Variants in GRID2 observed in about 807,000 individuals in gnomAD.
The protein encoded by GRID2 is glutamate receptor ionotropic, delta-2.
In GRID2, 33 loss-of-function variants were observed where a neutral mutation model predicts 114.8. The ratio of observed to expected loss-of-function variants is 0.29; its 90% CI spans 0.22 to 0.38. The LOEUF (loss-of-function observed/expected upper bound fraction) is 0.38. Ranked by LOEUF, GRID2 falls within the 10% of genes least tolerant of loss-of-function variation. The pLI is 1.00. For synonymous variants in GRID2, 505 were observed against 449.9 expected, an observed-to-expected ratio of 1.12 and a Z score of -1.55; for missense variants, 1,184 against 1,257.7, an observed-to-expected ratio of 0.94 and a Z score of 0.89.
chr4:93,511,631 A>G (rs944232923), intron 12 of GRID2, among the ~76,000 whole-genome samples: 1 of 152,160 alleles, frequency 6.6e-6, no homozygotes, highest in Non-Finnish European at 1.5e-5. Context: ...CCTCAGGTCT[A>G]ATGGGTTCTC....
intron 2 of GRID2, among the ~76,000 whole-genome samples, chr4:92,621,550 C>CTA (rs1730275874): frequency 6.6e-6 from 1 of 151,532 alleles, no homozygotes; most frequent in Non-Finnish European, 1.5e-5. Context: ...ATAGTCCCAG[C>CTA]TATAGGAAGC....
At chr4:92,981,495 A>G (rs1754209740) in intron 2 of GRID2, among the ~76,000 whole-genome samples, 2 of 152,006 alleles carry the variant, frequency 1.3e-5, no homozygotes, top group Admixed American at 6.6e-5. Flanking sequence ...CAATAGTTCA[A>G]AAGTTTTAAT....
intron 10 of GRID2, among the ~76,000 whole-genome samples, chr4:93,429,460 G>T (rs1769188987): frequency 6.6e-6 from 1 of 152,100 alleles, no homozygotes; most frequent in Non-Finnish European, 1.5e-5. Flanking sequence ...AAGCTTGATG[G>T]TTATTACAAT....
intron 1 of GRID2, among the ~76,000 whole-genome samples, chr4:92,444,996 G>A (rs75714943): frequency 6.6e-6 from 1 of 152,070 alleles, no homozygotes; most frequent in Non-Finnish European, 1.5e-5. Flanking sequence ...TTTGTGAAAG[G>A]ATTTTGGGTA....
chr4:93,499,108 G>A (rs563320995), intron 12 of GRID2, among the ~76,000 whole-genome samples: 1 of 151,926 alleles, frequency 6.6e-6, no homozygotes, highest in East Asian at 2.0e-4. Flanking sequence ...TTTAAAACAA[G>A]GTAGAGGCTA....
At chr4:93,716,234 A>G (rs1041834458) in intron 14 of GRID2, among the ~76,000 whole-genome samples, 4 of 152,174 alleles carry the variant, frequency 2.6e-5, no homozygotes, top group Non-Finnish European at 5.9e-5. Flanking sequence ...ATGCACATAC[A>G]CACATGAATT....
chr4:92,862,865 TA>T (rs1462075398), intron 2 of GRID2, among the ~76,000 whole-genome samples: 1 of 152,102 alleles, frequency 6.6e-6, no homozygotes, highest in Non-Finnish European at 1.5e-5. Context: ...CTCAGTGCTC[TA>T]AATACTGCTT....
rs551274483 is a variant in GRID2, at chr4:92,766,270, G to A, written c.244+175984G>A. On this transcript the variant is annotated intron_variant, in intron 2 of 15. Coordinates refer to ENST00000282020, the MANE Select transcript of GRID2 (RefSeq NM_001510.4). ...GAAGACACTTTTAGCTGGGTGCGGT[G>A]GCTCATGCCTATAATTCCAGCACTT... 1.3e-4 allele frequency among the ~76,000 whole-genome samples: 20 copies of A among 152,268 alleles called. No homozygotes were observed. In the South Asian group the frequency reaches 3.5e-3, roughly 27 times the overall value.
At chr4:92,324,667 G>A (rs1292833329) in intron 1 of GRID2, among the ~76,000 whole-genome samples, 1 of 151,572 alleles carries the variant, frequency 6.6e-6, no homozygotes, top group Non-Finnish European at 1.5e-5. Flanking sequence ...AAGCCTTAAA[G>A]TAATACTAAA....
Position 92,770,584 on chromosome 4 carries a change from G to A in GRID2, c.244+180298G>A, listed in dbSNP as rs529833618. Among the ~76,000 whole-genome samples the A allele has an allele frequency of 3.8e-4, 58 of 152,208 alleles. No homozygotes were observed. In the South Asian group the frequency reaches 7.3e-3, roughly 19 times the overall value. The stretch of plus-strand genomic sequence containing the variant: ...TGGACTTAACAGTTCCACGTGGCTG[G>A]GGAGGCCTCACAATCATGGTGGAAG... On this transcript the variant is annotated intron_variant, in intron 2 of 15. Transcript: ENST00000282020.
At chr4:93,162,590 A>T (rs1348678388) in intron 4 of GRID2, among the ~76,000 whole-genome samples, 1 of 151,906 alleles carries the variant, frequency 6.6e-6, no homozygotes, top group Non-Finnish European at 1.5e-5. Flanking sequence ...AGCAACCCAT[A>T]ATTTATCATT....
chr4:92,362,666 A>G (rs1291108673), intron 1 of GRID2, among the ~76,000 whole-genome samples: 4 of 152,030 alleles, frequency 2.6e-5, no homozygotes, highest in Admixed American at 6.6e-5. Flanking sequence ...TTTCAAACTA[A>G]GTTGAAATAT....
intron 8 of GRID2, among the ~76,000 whole-genome samples, chr4:93,378,011 A>T (rs774708950): frequency 7.2e-5 from 11 of 152,166 alleles, no homozygotes; most frequent in Non-Finnish European, 1.0e-4. Context: ...ATAAGGTTTA[A>T]TTTAACAGAT....
intron 1 of GRID2, among the ~76,000 whole-genome samples, chr4:92,339,929 A>G (rs1727388885): frequency 6.6e-6 from 1 of 152,192 alleles, no homozygotes; most frequent in Non-Finnish European, 1.5e-5. Context: ...GCTCGTTTTT[A>G]TTAGGCTCAT....
chr4:93,097,863 T>G (rs1049902955), intron 3 of GRID2, among the ~76,000 whole-genome samples: 1 of 152,096 alleles, frequency 6.6e-6, no homozygotes, highest in Admixed American at 6.6e-5. Flanking sequence ...GGAATAATAT[T>G]AAATAAGTAG....
chr4:92,432,644 G>A (rs922936482), intron 1 of GRID2, among the ~76,000 whole-genome samples: 10 of 152,162 alleles, frequency 6.6e-5, no homozygotes, highest in African/African-American at 2.4e-4. Context: ...CACTGAAGTG[G>A]GCTCCCCTGT....
chr4:93,003,411 C>T (rs1425210511), intron 2 of GRID2, among the ~76,000 whole-genome samples: 1 of 151,924 alleles, frequency 6.6e-6, no homozygotes, highest in Non-Finnish European at 1.5e-5. Context: ...AATGGTCCTA[C>T]TGCTTTATAT....
chr4:93,513,417 A>G (rs186681820), intron 12 of GRID2, among the ~76,000 whole-genome samples: 1 of 152,268 alleles, frequency 6.6e-6, no homozygotes, highest in African/African-American at 2.4e-5. Context: ...TGTTGTTATA[A>G]TATATCAAGA....
intron 13 of GRID2, among the ~76,000 whole-genome samples, chr4:93,601,564 A>G (rs1209134307): frequency 6.6e-6 from 1 of 152,226 alleles, no homozygotes; most frequent in Non-Finnish European, 1.5e-5. Flanking sequence ...TTCAGCCATG[A>G]AAAAGATTAG....
Sources: allele counts gnomAD v4.1 joint callset (sites outside exome capture counted in the v4.1 genomes callset), GRCh38; gene constraint gnomAD v4.1.1; transcripts MANE v1.5; gene names NCBI Gene and HGNC (gene_info 2026-07-23, HGNC 2026-07-21).